Variants in PRSS36 observed in about 807,000 individuals in gnomAD.
The protein encoded by PRSS36 is polyserase-2.
PRSS36 carries 90 observed loss-of-function variants against 94.3 expected under a neutral mutation model. That is an observed-to-expected ratio of 0.95 (90% CI 0.80 to 1.14). The LOEUF is 1.14. PRSS36 is among the 50% of genes most tolerant of loss of function. PRSS36 has a pLI of 0.00. For synonymous variants in PRSS36, 500 were observed against 489.6 expected, an observed-to-expected ratio of 1.02 and a Z score of -0.28; for missense variants, 1,158 against 1,135.0, an observed-to-expected ratio of 1.02 and a Z score of -0.29.
rs554502295 is a variant in PRSS36, at chr16:31,148,407, C to T, written c.541G>A (p.Val181Ile). The change falls in exon 5 of 15, where the codon GTC (valine) becomes ATC (isoleucine). Residue 181 changes from valine to isoleucine, a missense_variant. Transcript: ENST00000268281. ...TACWATGWGD[V>I]QEADPLPLPW... Reference sequence around the variant, plus strand: ...CCGTCCCACTCACCTGCCTCCTGGACGTCTCCCCAGCCGGTGGCCCAGCAG... The same window carrying T: ...CCGTCCCACTCACCTGCCTCCTGGATGTCTCCCCAGCCGGTGGCCCAGCAG... 14 of 1,568,320 alleles carry T rather than the reference C, an allele frequency of 8.9e-6. No homozygotes were observed. The highest frequency in any genetic ancestry group is 1.1e-5 in the South Asian group (1 of 87,344).
At chr16:31,147,086 C>T (rs766949711) in intron 5 of PRSS36, among the ~76,000 whole-genome samples, 12 of 152,148 alleles carry the variant, frequency 7.9e-5, no homozygotes, top group Non-Finnish European at 1.5e-4. Context: ...TTGTCCTGGG[C>T]GTCCCTGGAG....
chr16:31,142,916 C>T lies in PRSS36; in HGVS notation c.1178G>A (p.Arg393Gln). ...CTCGTGCTGCACCAGGCGCGCCACC[C>T]GCTCCGCGCGCGGGCGCGAGGGCAG... ...VLLPSRPRAE[R>Q]VARLVQHENA... Residue 393 changes from arginine to glutamine, a missense_variant, in exon 9 of 15, where the codon CGG becomes CAG. Coordinates refer to ENST00000268281, the MANE Select transcript of PRSS36 (RefSeq NM_173502.5). 5 of 1,529,824 alleles carry T rather than the reference C, an allele frequency of 3.3e-6. No individual in the cohort carries two copies. The South Asian group carries it at 6.1e-5, about 19-fold the overall frequency. 94.8% of individuals were successfully genotyped at this position (1,529,824 alleles called of 1,614,324 possible).
At chr16:31,149,872 C>G in intron 1 of PRSS36, 127 bp downstream of exon 1, 1 of 1,521,468 alleles carries the variant, frequency 6.6e-7, no homozygotes, top group Non-Finnish European at 9.1e-7. Flanking sequence ...ACATCCTCGC[C>G]TTCTGCTGCC....
In PRSS36 at chr16:31,142,625, G is replaced by T. The variant is rs2057722918; in HGVS notation, c.1377C>A (p.Gly459=). 3 of 1,492,404 alleles carry T rather than the reference G, an allele frequency of 2.0e-6. No individual in the cohort carries two copies. Among genetic ancestry groups the T allele is most frequent in the South Asian group, 1.2e-5 (1 of 80,026 alleles). 92.4% of individuals were successfully genotyped at this position (1,492,404 alleles called of 1,614,324 possible). The part of the protein sequence containing the change: ...WGRGEPALGP[G]ALLEAELLGG... ...CTAACAGCTCCGCCTCCAGCAGCGC[G>T]CCTGGGCCAAGCGCGGGTTCTGGAA... Residue 459 remains glycine, a synonymous_variant, in exon 10 of 15, where the codon GGC becomes GGA. Coordinates refer to ENST00000268281, the MANE Select transcript of PRSS36 (RefSeq NM_173502.5).
intron 8 of PRSS36, 74 bp from the exon 9 acceptor site, chr16:31,143,067 C>T (rs2057738951): frequency 7.2e-7 from 1 of 1,384,954 alleles, no homozygotes; most frequent in African/African-American, 1.5e-5. Context: ...CCGGCTTAGA[C>T]TTGCCAGGCG....
At position 31,141,510 on chromosome 16, in the gene PRSS36, C is replaced by G; in HGVS notation, c.1860G>C (p.Leu620=). ...TGGCTGCCAGGACCCAGCCTGGGGC[C>G]AGGAGGATCCCAGTGCAGACTCGAT... The part of the protein sequence containing the change: ...AGDRVCTGIL[L]APGWVLAATH... The change falls in exon 12 of 15, where the codon CTG becomes CTC. Residue 620 remains leucine (L), a synonymous_variant. Coordinates refer to ENST00000268281, the MANE Select transcript of PRSS36 (RefSeq NM_173502.5). 1 of 1,613,036 alleles carries G rather than the reference C, an allele frequency of 6.2e-7. No homozygotes were observed. The highest frequency in any genetic ancestry group is 8.5e-7 in the Non-Finnish European group (1 of 1,179,958).
chr16:31,149,213 C>T lies in PRSS36; in HGVS notation c.132G>A (p.Ser44=). The T allele has an allele frequency of 6.4e-7, 1 of 1,563,102 alleles. No homozygotes were observed. Among genetic ancestry groups the T allele is most frequent in the Admixed American group, 1.9e-5 (1 of 52,018 alleles). The change falls in exon 4 of 15, where the codon TCG becomes TCA. Residue 44 remains serine (S), a synonymous_variant. Transcript: ENST00000268281. ...CGTTTGAGCCCCCCACGATGCGGGC[C>T]GAGGGCTCAGGGCGCCCGCAGTCTG... ...EDLDCGRPEP[S]ARIVGGSNAQ... is the part of the protein sequence containing the mutation.
chr16:31,142,567 G>T lies in PRSS36; in HGVS notation c.1435C>A (p.Gln479Lys), dbSNP rs766754259. ...CCGGGCAGCGGTACTGCCGCCCCCTGGCGGCCGTACAGGCAGTGGCACCAC... is the reference window on the plus strand; with the variant it reads ...CCGGGCAGCGGTACTGCCGCCCCCTTGCGGCCGTACAGGCAGTGGCACCAC... Reference protein sequence around the residue: ...GWWCHCLYGRQGAAVPLPGDP... With the variant: ...GWWCHCLYGRKGAAVPLPGDP... The change falls in exon 10 of 15, where the codon CAG (glutamine) becomes AAG (lysine). Residue 479 changes from glutamine (Q) to lysine (K), a missense_variant. By Grantham distance (53) the Gln-to-Lys change is moderately conservative. Transcript: ENST00000268281. The T allele has an allele frequency of 1.3e-6, 2 of 1,526,108 alleles. No homozygotes were observed. Among genetic ancestry groups the T allele is most frequent in the African/African-American group, 1.4e-5 (1 of 71,914 alleles). The allele number at this position is 1,526,108 out of a possible 1,614,324, so 94.5% of individuals were successfully genotyped here. A position where few individuals can be genotyped will look rare whatever the true frequency, so the allele number is the denominator to read the frequency against.
At chr16:31,143,981 G>T in intron 6 of PRSS36, 144 bp from the exon 7 acceptor site, 1 of 1,047,666 alleles carries the variant, frequency 9.5e-7, no homozygotes, top group Non-Finnish European at 1.4e-6. Context: ...TGCATTCCCT[G>T]CGGCTCTAAA....
chr16:31,142,444 G>T, intron 10 of PRSS36, 37 bp downstream of exon 10: 1 of 1,409,994 alleles, frequency 7.1e-7, no homozygotes, highest in African/African-American at 1.5e-5. Context: ...GAGCCCTCTC[G>T]GGCCCGCGTT....
intron 8 of PRSS36, 85 bp from the exon 9 acceptor site, chr16:31,143,078 A>G: frequency 1.4e-6 from 2 of 1,382,162 alleles, no homozygotes; most frequent in Non-Finnish European, 1.9e-6. Flanking sequence ...TTGCCAGGCG[A>G]GGATCCTGCA....
chr16:31,148,374 C>A, intron 5 of PRSS36, 21 bp downstream of exon 5: 4 of 1,542,110 alleles, frequency 2.6e-6, no homozygotes, highest in East Asian at 2.4e-5. Context: ...AGGCCCTCCC[C>A]TCTTGTCCCG....
chr16:31,142,698 G>T, intron 9 of PRSS36, 39 bp downstream of exon 9: 6 of 1,347,312 alleles, frequency 4.5e-6, no homozygotes, highest in Non-Finnish European at 4.8e-6. Context: ...CCCCTGCACC[G>T]CCCGGTGCCG....
Position 31,149,730 on chromosome 16 carries a change from G to T in PRSS36, c.39C>A (p.Val13=). The change falls in exon 2 of 15, where the codon GTC becomes GTA. Residue 13 remains valine (V), a splice_region_variant and synonymous_variant. Coordinates refer to ENST00000268281, the MANE Select transcript of PRSS36 (RefSeq NM_173502.5). The stretch of plus-strand genomic sequence containing the variant: ...GGAAGGCTCCTGGGATGGGACTGAT[G>T]ACTGGAAAGACAGAGGTAGGCAGGA... The part of the protein sequence containing the change: ...RHLLLPLVML[V]ISPIPGAFQD... The T allele has an allele frequency of 6.2e-7, 1 of 1,614,120 alleles. No homozygotes were observed. Among genetic ancestry groups the T allele is most frequent in the East Asian group, 2.2e-5 (1 of 44,878 alleles).
chr16:31,148,734 G>A lies in PRSS36; in HGVS notation c.273-59C>T. 3.8e-6 allele frequency: 6 copies of A among 1,594,314 alleles called. No homozygotes were observed. In the Admixed American group the frequency reaches 6.9e-5, roughly 18 times the overall value. ...GACCCTATGGAGGGGGCAGACCCTC[G>A]TTGGGGGCAGGGGCTCAGAGCCAGA... On this transcript the variant is annotated intron_variant, in intron 4 of 14. Coordinates refer to ENST00000268281, the MANE Select transcript of PRSS36 (RefSeq NM_173502.5).
rs186483286 is a variant in PRSS36, at chr16:31,149,022, G to T, written c.272+51C>A. ...CGGGAGGAGGGGACCAACTGCGGGG[G>T]CGGGGGCCAGCTTTTGGCGGAGAGG... On this transcript the variant is annotated intron_variant, in intron 4 of 14. Transcript: ENST00000268281. 3.5e-5 allele frequency: 53 copies of T among 1,511,716 alleles called. 1 individual carries two copies. In the Admixed American group the frequency reaches 1.1e-3, roughly 31 times the overall value. 93.6% of individuals were successfully genotyped at this position (1,511,716 alleles called of 1,614,324 possible).
At chr16:31,145,495 T>C (rs2057785320) in intron 6 of PRSS36, among the ~76,000 whole-genome samples, 1 of 151,662 alleles carries the variant, frequency 6.6e-6, no homozygotes, top group Non-Finnish European at 1.5e-5. Flanking sequence ...CAGTCTGTGG[T>C]GGTGCATGCC....
In PRSS36 at chr16:31,139,407, C is replaced by G; in HGVS notation, c.2299G>C (p.Ala767Pro). The part of the protein sequence containing the change: ...GQENRCEMTS[A>P]PPLLCQMTEG... ...GTCATCTGGCACAGGAGGGGCGGTG[C>G]TGAGGTCATCTGCAGAGTTGGAGCG... Residue 767 changes from alanine to proline, a missense_variant, in exon 15 of 15, where the codon GCA becomes CCA. Transcript: ENST00000268281. 1 of 1,613,282 alleles carries G rather than the reference C, an allele frequency of 6.2e-7. No individual in the cohort carries two copies.
Position 31,142,634 on chromosome 16 carries a change from A to C in PRSS36, c.1368T>G (p.Leu456=), listed in dbSNP as rs1476521805. The C allele has an allele frequency of 3.4e-6, 5 of 1,481,370 alleles. No individual in the cohort carries two copies. The highest frequency in any genetic ancestry group is 3.6e-6 in the Non-Finnish European group (4 of 1,119,206). 91.8% of individuals were successfully genotyped at this position (1,481,370 alleles called of 1,614,324 possible). The part of the protein sequence containing the change: ...LARWGRGEPA[L]GPGALLEAEL... ...CCGCCTCCAGCAGCGCGCCTGGGCC[A>C]AGCGCGGGTTCTGGAAGGGAAAAGG... Residue 456 remains leucine (L), a synonymous_variant, in exon 10 of 15, where the codon CTT becomes CTG. Transcript: ENST00000268281.
Sources: allele counts gnomAD v4.1 joint callset (sites outside exome capture counted in the v4.1 genomes callset), GRCh38; gene constraint gnomAD v4.1.1; transcripts MANE v1.5; gene names NCBI Gene and HGNC (gene_info 2026-07-23, HGNC 2026-07-21).